Variants in EFCAB8 observed in about 807,000 individuals in gnomAD.
The protein encoded by EFCAB8 is EF-hand calcium binding domain 8.
EFCAB8 carries 100 observed loss-of-function variants against 116.3 expected under a neutral mutation model. The observed-to-expected ratio is 0.86, with a 90% confidence interval of 0.73 to 1.02. The LOEUF (loss-of-function observed/expected upper bound fraction) is 1.02. EFCAB8 is among the 50% of genes least tolerant of loss of function. The probability of loss-of-function intolerance (pLI) is 0.00; values close to 1 mark genes in which losing one functional copy is unlikely to be tolerated. For synonymous variants in EFCAB8, 558 were observed against 567.9 expected (o/e 0.98, Z 0.25); for missense variants, 1,320 against 1,416.9 (o/e 0.93, Z 1.10).
chr20:32,961,690 C>A lies in EFCAB8; in HGVS notation c.*81C>A. The stretch of plus-strand genomic sequence containing the variant: ...CTGCATGTTCTCGGCTTATTCCCTA[C>A]CAGACCCAGAGGATGTGGCTCTTCC... On this transcript the variant is annotated 3_prime_UTR_variant, in exon 27 of 27. Transcript: ENST00000400522. 1.2e-6 allele frequency: 1 copy of A among 858,740 alleles called. No individual in the cohort carries two copies. The highest frequency in any genetic ancestry group is 3.2e-5 in the East Asian group (1 of 31,196). 53.2% of individuals were successfully genotyped at this position (858,740 alleles called of 1,614,324 possible). A position where few individuals can be genotyped will look rare whatever the true frequency, so the allele number is the denominator to read the frequency against.
intron 26 of EFCAB8, 23 bp from the exon 27 acceptor site, chr20:32,961,113 G>A (rs946661821): frequency 2.1e-5 from 33 of 1,547,614 alleles, no homozygotes; most frequent in Non-Finnish European, 2.7e-5. Flanking sequence ...CCCCATTCCC[G>A]CTCCCCACTC....
At position 32,961,549 on chromosome 20, in the gene EFCAB8, A is replaced by G. The variant is rs1433711626; in HGVS notation, c.3807A>G (p.Pro1269=). Residue 1269 remains proline, a synonymous_variant, in exon 27 of 27, where the codon CCA becomes CCG. Coordinates refer to ENST00000400522, the MANE Select transcript of EFCAB8 (RefSeq NM_001143967.2). The part of the protein sequence containing the change: ...KHIVSSFERP[P]RPLKATFMSS... ...TTGTCTCCTCCTTCGAGCGGCCCCC[A>G]AGGCCTCTGAAGGCCACCTTCATGT... is the stretch of plus-strand genomic sequence containing the variant. The G allele has an allele frequency of 3.6e-6, 5 of 1,402,484 alleles. No individual in the cohort carries two copies. The highest frequency in any genetic ancestry group is 4.6e-6 in the Non-Finnish European group (5 of 1,076,364). 86.9% of individuals were successfully genotyped at this position (1,402,484 alleles called of 1,614,324 possible). A position where few individuals can be genotyped will look rare whatever the true frequency, so the allele number is the denominator to read the frequency against.
intron 8 of EFCAB8, 103 bp downstream of exon 8, chr20:32,892,400 AAAGATCTGGAAATATCTCCCCACT>A: frequency 1.0e-6 from 1 of 982,444 alleles, no homozygotes; most frequent in Non-Finnish European, 1.5e-6. Context: ...GCCTCCTTGG[AAAGATCTGGAAATATCTCCCCACT>A]GGCTCCAAGG....
rs1419852182 is a variant in EFCAB8 at position 32,906,858 on chromosome 20, A to G, written c.1172A>G (p.Asp391Gly). 6.6e-7 allele frequency: 1 copy of G among 1,505,102 alleles called. No individual in the cohort carries two copies. Among genetic ancestry groups the G allele is most frequent in the Non-Finnish European group, 9.1e-7 (1 of 1,104,816 alleles). The allele number at this position is 1,505,102 out of a possible 1,614,324, so 93.2% of individuals were successfully genotyped here. The change falls in exon 13 of 27, where the codon GAT becomes GGT. Residue 391 changes from aspartate to glycine, a missense_variant. Asp to Gly is a moderately conservative substitution (Grantham distance 94, BLOSUM62 -1). Transcript: ENST00000400522. ...TTGACCACAGTGACTGGTGGCTACG[A>G]TGCCTTCATCCGCCTGTGGAACCCC... ...DRNFLVTGGY[D>G]AFIRLWNPFV...
At chr20:32,897,227 C>T (rs1156237003) in intron 10 of EFCAB8, among the ~76,000 whole-genome samples, 1 of 152,110 alleles carries the variant, frequency 6.6e-6, no homozygotes, top group African/African-American at 2.4e-5. Context: ...TTTACCAGCT[C>T]CCAGCTTTGT....
At chr20:32,920,566 A>T (rs1987404128) in intron 20 of EFCAB8, among the ~76,000 whole-genome samples, 1 of 152,194 alleles carries the variant, frequency 6.6e-6, no homozygotes, top group South Asian at 2.1e-4. Context: ...AGAGAAAATG[A>T]GAAGCAGCAA....
At chr20:32,899,845 A>T (rs1451815385) in intron 11 of EFCAB8, among the ~76,000 whole-genome samples, 2 of 152,022 alleles carry the variant, frequency 1.3e-5, no homozygotes, top group South Asian at 4.1e-4. Context: ...AAGTGCTGGG[A>T]TTGCAGGCAC....
intron 3 of EFCAB8, among the ~76,000 whole-genome samples, chr20:32,872,824 G>A (rs1348218853): frequency 6.6e-6 from 1 of 150,628 alleles, no homozygotes; most frequent in Non-Finnish European, 1.5e-5. Flanking sequence ...GGGTGCAGTG[G>A]CTCATGCCTG....
Position 32,858,995 on chromosome 20 carries a change from A to G in EFCAB8, c.-22A>G. On this transcript the variant is annotated 5_prime_UTR_variant, in exon 1 of 27. Transcript: ENST00000400522. Reference sequence around the variant, plus strand: ...CCAGCAAGATTAACTGAGGAGATCAAATTGAGTCAGGGTGAGTGAGGGTTT... The same window carrying G: ...CCAGCAAGATTAACTGAGGAGATCAGATTGAGTCAGGGTGAGTGAGGGTTT... The G allele has an allele frequency of 2.1e-6, 1 of 471,172 alleles. No individual in the cohort carries two copies. Among genetic ancestry groups the G allele is most frequent in the South Asian group, 1.5e-5 (1 of 64,560 alleles). The allele number at this position is 471,172 out of a possible 1,614,324, so 29.2% of individuals were successfully genotyped here.
chr20:32,860,115 C>T (rs1005569133), intron 1 of EFCAB8, among the ~76,000 whole-genome samples: 1 of 152,172 alleles, frequency 6.6e-6, no homozygotes, highest in Non-Finnish European at 1.5e-5. Flanking sequence ...TGAGACCAGC[C>T]TGGCCAACAT....
intron 11 of EFCAB8, among the ~76,000 whole-genome samples, chr20:32,900,063 C>A (rs993621281): frequency 6.6e-6 from 1 of 152,092 alleles, no homozygotes; most frequent in Non-Finnish European, 1.5e-5. Context: ...GATTGAGCCC[C>A]AGGAGAGTCT....
At position 32,911,727 on chromosome 20, in the gene EFCAB8, T is replaced by G; in HGVS notation, c.1785+20T>G. The G allele has an allele frequency of 6.4e-7, 1 of 1,550,518 alleles. No homozygotes were observed. Among genetic ancestry groups the G allele is most frequent in the Admixed American group, 2.0e-5 (1 of 51,010 alleles). ...CTGGAGGTCAGTCTTGCTTGTCAAT[T>G]ACAGCCAGGGACGGCCTCTTGGGAA... On this transcript the variant is annotated intron_variant, in intron 16 of 26. Transcript: ENST00000400522.
chr20:32,959,675 G>A, intron 24 of EFCAB8, 103 bp from the exon 25 acceptor site: 5 of 832,394 alleles, frequency 6.0e-6, no homozygotes, highest in Non-Finnish European at 9.3e-6. Flanking sequence ...ATGGAAGATT[G>A]GAAAGGATCA....
At position 32,920,171 on chromosome 20, in the gene EFCAB8, T is replaced by C. The variant is rs1487123037; in HGVS notation, c.2368T>C (p.Trp790Arg). ...AGAGGATGAAACGAGAAAAGGAGAA[T>C]GGCAGAAGAATATGTTGGTTCAATC... Reference protein sequence around the residue: ...YKEDETRKGEWQKNMLVQSSA... With the variant: ...YKEDETRKGERQKNMLVQSSA... The change falls in exon 20 of 27, where the codon TGG becomes CGG. Residue 790 changes from tryptophan (W) to arginine (R), a missense_variant. Physicochemically the swap from Trp to Arg is moderately radical, Grantham distance 101. Transcript: ENST00000400522. The C allele has an allele frequency of 8.4e-6, 13 of 1,551,506 alleles. No individual in the cohort carries two copies. Among genetic ancestry groups the C allele is most frequent in the Non-Finnish European group, 1.1e-5 (13 of 1,146,994 alleles).
rs988685725 is a variant in EFCAB8 at position 32,938,918 on chromosome 20, TTTC to T, written c.2791-4715_2791-4713del. Among the ~76,000 whole-genome samples the T allele has an allele frequency of 1.2e-4, 18 of 149,094 alleles. 1 individual carries two copies. The South Asian group carries it at 2.5e-3, about 21-fold the overall frequency. On this transcript the variant is annotated intron_variant, in intron 22 of 26. Coordinates refer to ENST00000400522, the MANE Select transcript of EFCAB8 (RefSeq NM_001143967.2). ...CTTCTCTTTTCTCTTCCCTTTTCTTTTTCTTTTCTTTTCTTCCTTCCCTCCCTC... is the reference window on the plus strand; with the variant it reads ...CTTCTCTTTTCTCTTCCCTTTTCTTTTTTTCTTTTCTTCCTTCCCTCCCTC...
At chr20:32,946,461 G>A (rs1201314162) in intron 23 of EFCAB8, among the ~76,000 whole-genome samples, 1 of 152,124 alleles carries the variant, frequency 6.6e-6, no homozygotes, top group Non-Finnish European at 1.5e-5. Context: ...GAATGGTCCT[G>A]GTTTCTGGTC....
intron 14 of EFCAB8, among the ~76,000 whole-genome samples, chr20:32,909,476 G>C (rs978338121): frequency 2.0e-5 from 3 of 152,198 alleles, no homozygotes; most frequent in African/African-American, 7.2e-5. Flanking sequence ...GGAATCCTTA[G>C]CCTCGCCTGG....
intron 23 of EFCAB8, among the ~76,000 whole-genome samples, chr20:32,948,524 A>AAAAGAAAGAAAGAAAGAAAGAAAG (rs201493711): frequency 8.5e-6 from 1 of 117,486 alleles, no homozygotes; most frequent in Non-Finnish European, 1.7e-5. Context: ...AAGAAAGTGA[A>AAAAGAAAGAAAGAAAGAAAGAAAG]AAAGAAAGAA....
intron 20 of EFCAB8, among the ~76,000 whole-genome samples, chr20:32,924,470 A>G (rs902852945): frequency 4.7e-4 from 71 of 152,366 alleles, no homozygotes; most frequent in African/African-American, 1.3e-3. Context: ...AAAAGAATGT[A>G]TGTGAAAAGA....
Sources: allele counts gnomAD v4.1 joint callset (sites outside exome capture counted in the v4.1 genomes callset), GRCh38; gene constraint gnomAD v4.1.1; transcripts MANE v1.5; gene names NCBI Gene and HGNC (gene_info 2026-07-23, HGNC 2026-07-21).